Variants in OTUD6B observed in about 807,000 individuals in gnomAD.
OTUD6B encodes deubiquitinase OTUD6B.
Under a neutral mutation model 36.9 loss-of-function variants are expected in OTUD6B, and 41 were observed. The observed-to-expected ratio is 1.11, with a 90% confidence interval of 0.87 to 1.44. The LOEUF (loss-of-function observed/expected upper bound fraction) is 1.44. Ranked by LOEUF, OTUD6B falls within the 40% of genes most tolerant of loss-of-function variation. The pLI is 0.00. For synonymous variants in OTUD6B, 114 were observed against 114.2 expected, an observed-to-expected ratio of 1.00 and a Z score of 0.01; for missense variants, 356 against 344.8, an observed-to-expected ratio of 1.03 and a Z score of -0.26.
chr8:91,080,238 A>G (rs774303833), intron 4 of OTUD6B, among the ~76,000 whole-genome samples: 2 of 152,218 alleles, frequency 1.3e-5, no homozygotes, highest in Non-Finnish European at 1.5e-5. Context: ...TTCTCTTCGT[A>G]TATTTCCCAG....
Position 91,085,450 on chromosome 8 carries a change from ATATT to A in OTUD6B, c.*589_*592del, listed in dbSNP as rs1812997257. ...TGCTTTAATAATTAATAATTTAAAA[ATATT>A]TATTTAGATGGGATTCAGTTGTTTA... On this transcript the variant is annotated 3_prime_UTR_variant, in exon 7 of 7. Transcript: ENST00000404789. 1 of 151,956 alleles carries A rather than the reference ATATT, an allele frequency of 6.6e-6. No homozygotes were observed. Among genetic ancestry groups the A allele is most frequent in the Non-Finnish European group, 1.5e-5 (1 of 67,930 alleles). The allele number at this position is 151,956 out of a possible 1,614,324, so 9.4% of individuals were successfully genotyped here. A position where few individuals can be genotyped will look rare whatever the true frequency, so the allele number is the denominator to read the frequency against.
At chr8:91,078,141 A>C in intron 3 of OTUD6B, 1 of 500,758 alleles carries the variant, frequency 2.0e-6, no homozygotes, top group Non-Finnish European at 2.6e-6. Context: ...CTTAATGTCC[A>C]GTATAGAGCA....
chr8:91,075,543 A>G (rs892093983), intron 3 of OTUD6B, among the ~76,000 whole-genome samples: 7 of 152,038 alleles, frequency 4.6e-5, no homozygotes, highest in Non-Finnish European at 8.8e-5. Context: ...TTTCTCAAAA[A>G]TTTTGTTACT....
chr8:91,082,565 G>A (rs1330592615), intron 5 of OTUD6B, among the ~76,000 whole-genome samples: 1 of 151,808 alleles, frequency 6.6e-6, no homozygotes, highest in Non-Finnish European at 1.5e-5. Context: ...TCCCTGTGTT[G>A]CCCAGGCTGG....
chr8:91,083,393 T>C (rs932357058), intron 5 of OTUD6B, among the ~76,000 whole-genome samples: 37 of 152,294 alleles, frequency 2.4e-4, no homozygotes, highest in African/African-American at 8.4e-4. Context: ...ATAATATACC[T>C]AGTCTACCCA....
intron 5 of OTUD6B, among the ~76,000 whole-genome samples, chr8:91,082,365 TC>T (rs1239137485): frequency 6.6e-6 from 1 of 152,042 alleles, no homozygotes; most frequent in Admixed American, 6.6e-5. Flanking sequence ...CCCCCATAGA[TC>T]GGGGCATTAT....
intron 3 of OTUD6B, chr8:91,076,508 A>G (rs1230140390): frequency 2.8e-5 from 42 of 1,516,996 alleles, no homozygotes; most frequent in Non-Finnish European, 3.6e-5. Context: ...TTTGCAGATA[A>G]GATAAAGTGC....
chr8:91,083,191 A>G (rs1212895264), intron 5 of OTUD6B, among the ~76,000 whole-genome samples: 1 of 152,096 alleles, frequency 6.6e-6, no homozygotes, highest in Non-Finnish European at 1.5e-5. Context: ...CTCTTTGAAA[A>G]TTATAGAACA....
At chr8:91,083,873 C>T in intron 5 of OTUD6B, 135 bp from the exon 6 acceptor site, 1 of 911,874 alleles carries the variant, frequency 1.1e-6, no homozygotes, top group East Asian at 3.1e-5. Flanking sequence ...TTATTAAGTG[C>T]CCAGTATATA....
At chr8:91,079,856 T>C (rs765252068) in intron 4 of OTUD6B, among the ~76,000 whole-genome samples, 16 of 152,132 alleles carry the variant, frequency 1.1e-4, no homozygotes, top group Non-Finnish European at 1.9e-4. Flanking sequence ...CCAATATTAA[T>C]TGAAGGCCGC....
chr8:91,086,574 C>G lies in OTUD6B; in HGVS notation c.*1706C>G, dbSNP rs1023929952. The G allele has an allele frequency of 2.0e-5, 3 of 151,864 alleles. No homozygotes were observed. Among genetic ancestry groups the G allele is most frequent in the African/African-American group, 7.3e-5 (3 of 41,374 alleles). 9.4% of individuals were successfully genotyped at this position (151,864 alleles called of 1,614,324 possible). ...GCCATAAAACAAGATATTATGAAACCCAGTATTATAAATGTTATCTACATC... is the reference window on the plus strand; with the variant it reads ...GCCATAAAACAAGATATTATGAAACGCAGTATTATAAATGTTATCTACATC... On this transcript the variant is annotated 3_prime_UTR_variant, in exon 7 of 7. Coordinates refer to ENST00000404789, the MANE Select transcript of OTUD6B (RefSeq NM_016023.5).
rs759073014 is a variant in OTUD6B at position 91,078,499 on chromosome 8, A to G, written c.459A>G (p.Pro153=). The change falls in exon 4 of 7, where the codon CCA becomes CCG. Residue 153 remains proline, a synonymous_variant. Coordinates refer to ENST00000404789, the MANE Select transcript of OTUD6B (RefSeq NM_016023.5). The part of the protein sequence containing the change: ...AARQLEIKQI[P]SDGHCMYKAI... Reference sequence around the variant, plus strand: ...GACAGTTAGAAATTAAACAGATTCCATCTGATGGCCACTGTATGTATAAAG... The same window carrying G: ...GACAGTTAGAAATTAAACAGATTCCGTCTGATGGCCACTGTATGTATAAAG... The G allele has an allele frequency of 1.2e-6, 2 of 1,609,408 alleles. No homozygotes were observed. The highest frequency in any genetic ancestry group is 8.5e-7 in the Non-Finnish European group (1 of 1,177,744).
chr8:91,077,171 C>T (rs1391075352), intron 3 of OTUD6B, among the ~76,000 whole-genome samples: 1 of 151,750 alleles, frequency 6.6e-6, no homozygotes. Flanking sequence ...AAGCAGTTTC[C>T]GCTTGAGTGT....
chr8:91,077,402 A>G (rs1297322920), intron 3 of OTUD6B, among the ~76,000 whole-genome samples: 3 of 151,946 alleles, frequency 2.0e-5, no homozygotes, highest in South Asian at 2.1e-4. Flanking sequence ...TTTGCCTCCA[A>G]TTTCATCTCT....
At chr8:91,073,270 A>G (rs1043443694) in intron 2 of OTUD6B, among the ~76,000 whole-genome samples, 2 of 152,160 alleles carry the variant, frequency 1.3e-5, no homozygotes, top group Non-Finnish European at 2.9e-5. Flanking sequence ...GCAAACACAC[A>G]CTAGCCATTT....
intron 4 of OTUD6B, among the ~76,000 whole-genome samples, chr8:91,079,859 A>C (rs905315425): frequency 1.3e-5 from 2 of 152,160 alleles, no homozygotes; most frequent in Admixed American, 1.3e-4. Context: ...ATATTAATTG[A>C]AGGCCGCTGT....
rs147218088 is a variant in OTUD6B at position 91,076,511 on chromosome 8, T to C, written c.316-1845T>C. The C allele has an allele frequency of 3.0e-4, 463 of 1,518,144 alleles. 1 individual carries two copies. The African/African-American group carries it at 5.5e-3, about 18-fold the overall frequency. 94.0% of individuals were successfully genotyped at this position (1,518,144 alleles called of 1,614,324 possible). On this transcript the variant is annotated intron_variant, in intron 3 of 6. Transcript: ENST00000404789. ...GGCTTAAACAGTTTTGCAGATAAGA[T>C]AAAGTGCCACTCTTTCAGTAAATAG...
chr8:91,080,490 A>G, intron 4 of OTUD6B, 179 bp from the exon 5 acceptor site: 1 of 800,448 alleles, frequency 1.2e-6, no homozygotes, highest in Non-Finnish European at 1.5e-6. Context: ...TGTGGTAGAA[A>G]GTTGGGGTGA....
At chr8:91,082,797 G>T (rs1166738164) in intron 5 of OTUD6B, among the ~76,000 whole-genome samples, 2 of 133,382 alleles carry the variant, frequency 1.5e-5, no homozygotes, top group East Asian at 2.3e-4. Flanking sequence ...TGTCACCCCA[G>T]TTGGAGTACA....
Sources: allele counts gnomAD v4.1 joint callset (sites outside exome capture counted in the v4.1 genomes callset), GRCh38; gene constraint gnomAD v4.1.1; transcripts MANE v1.5; gene names NCBI Gene and HGNC (gene_info 2026-07-23, HGNC 2026-07-21).